UBP1: variants seen among roughly 807,000 people sequenced by gnomAD.
UBP1 encodes upstream binding protein 1.
In UBP1, 22 loss-of-function variants were observed where a neutral mutation model predicts 76.1. That is an observed-to-expected ratio of 0.29 (90% CI 0.21 to 0.41). The LOEUF is 0.41. UBP1 is among the 10% of genes least tolerant of loss of function. The pLI, the probability that UBP1 is intolerant of heterozygous loss-of-function variation, is 1.00. For missense variants in UBP1, 436 were observed against 668.1 expected (o/e 0.65, Z 3.83); for synonymous variants, 224 against 237.1 (o/e 0.94, Z 0.51).
intron 7 of UBP1, 121 bp downstream of exon 7, chr3:33,409,115 G>A (rs1438913074): frequency 4.2e-6 from 4 of 951,988 alleles, no homozygotes; most frequent in African/African-American, 1.6e-5. Flanking sequence ...ATTTCACAGA[G>A]AATAACATGT....
At chr3:33,416,727 T>A (rs990034110) in intron 3 of UBP1, 31 bp downstream of exon 3, 14 of 1,509,252 alleles carry the variant, frequency 9.3e-6, no homozygotes, top group Non-Finnish European at 1.3e-5. Flanking sequence ...CACAGCAATA[T>A]CCATTGGGAA....
chr3:33,394,422 C>T (rs536433760), intron 13 of UBP1, among the ~76,000 whole-genome samples: 1 of 151,860 alleles, frequency 6.6e-6, no homozygotes, highest in Non-Finnish European at 1.5e-5. Flanking sequence ...TGTATATGCC[C>T]CTCCCCCACA....
At chr3:33,417,413 T>C (rs959895514) in intron 2 of UBP1, among the ~76,000 whole-genome samples, 7 of 152,198 alleles carry the variant, frequency 4.6e-5, no homozygotes, top group Non-Finnish European at 8.8e-5. Flanking sequence ...CCTTGCTTTT[T>C]AAACTTAGCA....
At chr3:33,440,664 A>T (rs1050778163), upstream of UBP1, 1 of 152,372 alleles carries the variant, frequency 6.6e-6, no homozygotes, top group Non-Finnish European at 1.5e-5. Flanking sequence ...TTGACAGGCC[A>T]ACTGAGCAAT....
chr3:33,412,545 T>C (rs1238239713), intron 4 of UBP1, among the ~76,000 whole-genome samples, 177 bp downstream of exon 4: 4 of 149,724 alleles, frequency 2.7e-5, no homozygotes, highest in Non-Finnish European at 1.5e-5. Flanking sequence ...ACTGTGCCAC[T>C]GCACTTATCC....
rs2043694989 is a variant in UBP1 at position 33,390,027 on chromosome 3, G to GAA, written c.*303_*304insTT. 1.1e-5 allele frequency: 4 copies of GAA among 352,648 alleles called. No individual in the cohort carries two copies. The East Asian group carries it at 1.7e-4, about 15-fold the overall frequency. The allele number at this position is 352,648 out of a possible 1,614,324, so 21.8% of individuals were successfully genotyped here. A position where few individuals can be genotyped will look rare whatever the true frequency, so the allele number is the denominator to read the frequency against. ...GCATACAGTGTAAAAAGACAGCAAA[G>GAA]GCTGCTTCTAGGAACTGTATTTACT... On this transcript the variant is annotated 3_prime_UTR_variant, in exon 16 of 16. Coordinates refer to ENST00000283629, the MANE Select transcript of UBP1 (RefSeq NM_014517.5).
chr3:33,430,181 G>C (rs2045089395), intron 1 of UBP1, among the ~76,000 whole-genome samples: 1 of 152,198 alleles, frequency 6.6e-6, no homozygotes, highest in Admixed American at 6.5e-5. Flanking sequence ...ATCTGAAAAA[G>C]TGCAGTAAGT....
chr3:33,400,830 C>T (rs770798529), intron 10 of UBP1, 132 bp downstream of exon 10: 92 of 847,056 alleles, frequency 1.1e-4, no homozygotes, highest in Non-Finnish European at 1.7e-4. Context: ...CCAAAATATC[C>T]TGACTCGATT....
chr3:33,396,952 C>T (rs774070927), intron 12 of UBP1, 93 bp downstream of exon 12: 18 of 1,190,114 alleles, frequency 1.5e-5, no homozygotes, highest in Admixed American at 1.8e-5. Context: ...CAGGCACACA[C>T]GCCAACCTAG....
chr3:33,408,236 T>G (rs957327892), intron 8 of UBP1, among the ~76,000 whole-genome samples: 3 of 152,194 alleles, frequency 2.0e-5, no homozygotes, highest in Non-Finnish European at 4.4e-5. Flanking sequence ...TCAAGCTTGC[T>G]GCCATCATCT....
At chr3:33,428,244 AAATTGGCTCC>A (rs1458233389) in intron 1 of UBP1, among the ~76,000 whole-genome samples, 2 of 151,856 alleles carry the variant, frequency 1.3e-5, no homozygotes, top group Non-Finnish European at 2.9e-5. Context: ...CATAACAGTC[AAATTGGCTCC>A]AGGGAAGATA....
At chr3:33,426,954 C>T (rs114953172) in intron 1 of UBP1, among the ~76,000 whole-genome samples, 1,666 of 152,190 alleles carry the variant, frequency 0.011, 11 homozygotes, top group Middle Eastern at 0.027. Context: ...CACATGGTAA[C>T]TCTGTTTAAC....
chr3:33,405,528 T>C (rs1196711184), intron 8 of UBP1, among the ~76,000 whole-genome samples: 2 of 152,204 alleles, frequency 1.3e-5, no homozygotes, highest in Non-Finnish European at 2.9e-5. Context: ...TATATCCTTT[T>C]TCAAAATTCT....
At position 33,404,877 on chromosome 3, in the gene UBP1, G is replaced by T. The variant is rs142740934; in HGVS notation, c.928-1973C>A. 5.8e-3 allele frequency among the ~76,000 whole-genome samples: 884 copies of T among 152,106 alleles called. 10 individuals are homozygous for T. The highest frequency in any genetic ancestry group is 0.021 in the African/African-American group (852 of 41,504). ...CACTACCGAAAGAAAAAACAAAATTGCTCATATGTATAAAATTCTAGAAGT... is the reference window on the plus strand; with the variant it reads ...CACTACCGAAAGAAAAAACAAAATTTCTCATATGTATAAAATTCTAGAAGT... On this transcript the variant is annotated intron_variant, in intron 8 of 15. Transcript: ENST00000283629.
intron 1 of UBP1, among the ~76,000 whole-genome samples, chr3:33,437,606 T>C (rs1472767786): frequency 6.6e-6 from 1 of 152,230 alleles, no homozygotes; most frequent in Non-Finnish European, 1.5e-5. Context: ...AAAATCAATT[T>C]GTATCAAGAA....
At position 33,402,820 on chromosome 3, in the gene UBP1, T is replaced by G. The variant is rs774450171; in HGVS notation, c.1012A>C (p.Thr338Pro). The G allele has an allele frequency of 1.4e-5, 23 of 1,594,354 alleles. No homozygotes were observed. The highest frequency in any genetic ancestry group is 2.7e-5 in the African/African-American group (2 of 73,742). The change falls in exon 9 of 16, where the codon ACT becomes CCT. Residue 338 changes from threonine to proline, a missense_variant. Physicochemically the swap from Thr to Pro is conservative, Grantham distance 38. Transcript: ENST00000283629. ...AGATACCTGTCTGGGACACTGCAAG[T>G]GCTCTGCTGTGGGGAGGTGAAAGTG... is the stretch of plus-strand genomic sequence containing the variant. ...APTFTSPQQS[T>P]CSVPDSNSSS... is the part of the protein sequence containing the mutation.
rs566988731 is a variant in UBP1 at position 33,438,933 on chromosome 3, T to G, written c.113+803A>C. ...CTGCCAAACCACTGATTTTTAGACT[T>G]TATTAGTCAAGTCAACGCTATGGTA... On this transcript the variant is annotated intron_variant, in intron 1 of 15. Coordinates refer to ENST00000283629, the MANE Select transcript of UBP1 (RefSeq NM_014517.5). 1.8e-3 allele frequency among the ~76,000 whole-genome samples: 278 copies of G among 152,342 alleles called. 2 individuals are homozygous for G. Among genetic ancestry groups the G allele is most frequent in the African/African-American group, 6.4e-3 (266 of 41,576 alleles).
At chr3:33,416,023 CCA>C (rs974507890) in intron 3 of UBP1, 1 of 152,316 alleles carries the variant, frequency 6.6e-6, no homozygotes, top group African/African-American at 2.4e-5. Flanking sequence ...AAAGGCAGAT[CCA>C]CAGAGGGCAG....
chr3:33,417,293 A>T (rs1387536153), intron 2 of UBP1, among the ~76,000 whole-genome samples: 1 of 97,106 alleles, frequency 1.0e-5, no homozygotes, highest in Non-Finnish European at 2.1e-5. Flanking sequence ...TCCCTCCCCC[A>T]CCCCCCACCT....
Sources: gnomAD v4.1 joint callset for allele counts (sites outside exome capture counted in the v4.1 genomes callset) on GRCh38, gnomAD v4.1.1 for gene constraint, MANE v1.5 for transcripts, NCBI Gene and HGNC (gene_info 2026-07-23, HGNC 2026-07-21) for gene names.